MCTP2: variants seen among roughly 807,000 people sequenced by gnomAD.
The protein encoded by MCTP2 is multiple C2 and transmembrane domain-containing protein 2.
In MCTP2, 132 loss-of-function variants were observed where a neutral mutation model predicts 111.6. The ratio of observed to expected loss-of-function variants is 1.18; its 90% CI spans 1.03 to 1.37. The LOEUF (loss-of-function observed/expected upper bound fraction) is 1.37. MCTP2 is among the 40% of genes most tolerant of loss of function. MCTP2 has a pLI of 0.00. For synonymous variants in MCTP2, 395 were observed against 387.7 expected (o/e 1.02, Z -0.22); for missense variants, 1,183 against 1,067.9 (o/e 1.11, Z -1.50).
At chr15:94,457,327 AC>A (rs1294833886) in intron 19 of MCTP2, among the ~76,000 whole-genome samples, 1 of 152,214 alleles carries the variant, frequency 6.6e-6, no homozygotes, top group Non-Finnish European at 1.5e-5. Flanking sequence ...TTTCTAAGTA[AC>A]CTGCATAACT....
At chr15:94,418,175 T>C (rs551243196) in intron 17 of MCTP2, among the ~76,000 whole-genome samples, 1 of 152,256 alleles carries the variant, frequency 6.6e-6, no homozygotes, top group Non-Finnish European at 1.5e-5. Context: ...CTAATGTTCA[T>C]GTGAGCAAAG....
chr15:94,437,777 T>C (rs1596709449), intron 17 of MCTP2, among the ~76,000 whole-genome samples: 2 of 152,074 alleles, frequency 1.3e-5, no homozygotes, highest in Middle Eastern at 6.8e-3. Context: ...TAGGAAAATA[T>C]ATCAATGGAG....
At chr15:94,319,599 C>T (rs2076536046) in intron 4 of MCTP2, among the ~76,000 whole-genome samples, 1 of 152,188 alleles carries the variant, frequency 6.6e-6, no homozygotes, top group African/African-American at 2.4e-5. Context: ...TCTAGGCAGT[C>T]CCTGTCACAG....
intron 19 of MCTP2, among the ~76,000 whole-genome samples, chr15:94,457,421 AT>A (rs1271840260): frequency 6.6e-6 from 1 of 152,190 alleles, no homozygotes; most frequent in Non-Finnish European, 1.5e-5. Context: ...GCTGAATTCC[AT>A]TTCACATGAA....
intron 1 of MCTP2, chr15:94,278,220 A>G (rs527550676): frequency 2.4e-4 from 37 of 152,290 alleles, no homozygotes; most frequent in African/African-American, 8.2e-4. Context: ...AATTTGAAGG[A>G]CTACAAGGTG....
In MCTP2 at chr15:94,420,274, A is replaced by G. The variant is rs116328496; in HGVS notation, c.2085+18255A>G. Among the ~76,000 whole-genome samples the G allele has an allele frequency of 4.2e-3, 638 of 152,272 alleles. 1 individual carries two copies. The highest frequency in any genetic ancestry group is 0.013 in the African/African-American group (554 of 41,556). On this transcript the variant is annotated intron_variant, in intron 17 of 22. Transcript: ENST00000357742. ...TGTACCTAGCTGCTCAAGAGCTGTGATGGAGATATACAATGAGATTAATGT... is the reference window on the plus strand; with the variant it reads ...TGTACCTAGCTGCTCAAGAGCTGTGGTGGAGATATACAATGAGATTAATGT...
At chr15:94,392,073 C>T (rs1276520300) in intron 14 of MCTP2, among the ~76,000 whole-genome samples, 2 of 152,008 alleles carry the variant, frequency 1.3e-5, no homozygotes, top group East Asian at 1.9e-4. Context: ...ATTGAATTAA[C>T]AATAAGGTTA....
At chr15:94,303,154 T>C (rs1416376952) in intron 2 of MCTP2, among the ~76,000 whole-genome samples, 4 of 127,798 alleles carry the variant, frequency 3.1e-5, no homozygotes, top group African/African-American at 1.1e-4. Context: ...TATATAGTTC[T>C]GTCTAGAGGG....
intron 17 of MCTP2, among the ~76,000 whole-genome samples, chr15:94,430,761 A>C (rs2083141475): frequency 6.6e-6 from 1 of 151,474 alleles, no homozygotes; most frequent in African/African-American, 2.4e-5. Flanking sequence ...CAAAAATAAA[A>C]AATAAAAAAA....
chr15:94,476,588 G>T, intron 21 of MCTP2, 108 bp from the exon 22 acceptor site: 2 of 711,892 alleles, frequency 2.8e-6, no homozygotes, highest in Admixed American at 5.0e-5. Flanking sequence ...ATGCTAGATA[G>T]ATAGATGATT....
intron 17 of MCTP2, among the ~76,000 whole-genome samples, chr15:94,421,367 T>C (rs2082622780): frequency 6.6e-6 from 1 of 152,190 alleles, no homozygotes; most frequent in Admixed American, 6.5e-5. Context: ...TACAATTGTA[T>C]TAATTTTCTT....
intron 2 of MCTP2, 107 bp downstream of exon 2, chr15:94,298,837 CCT>C (rs149048088): frequency 2.3e-6 from 1 of 429,250 alleles, no homozygotes; most frequent in Non-Finnish European, 3.7e-6. Context: ...CCTCCCCCTC[CCT>C]CTCTCTTCCC....
chr15:94,360,332 T>G (rs1001070493), intron 10 of MCTP2, among the ~76,000 whole-genome samples: 1 of 152,194 alleles, frequency 6.6e-6, no homozygotes, highest in African/African-American at 2.4e-5. Flanking sequence ...GTCGGATGAC[T>G]TCTGTGACCT....
At chr15:94,432,320 A>G (rs996441825) in intron 17 of MCTP2, among the ~76,000 whole-genome samples, 2 of 152,206 alleles carry the variant, frequency 1.3e-5, no homozygotes, top group African/African-American at 4.8e-5. Context: ...TGGCAAATAT[A>G]GAGAACATAT....
chr15:94,276,243 C>A (rs368149017), intron 1 of MCTP2, among the ~76,000 whole-genome samples: 1 of 152,050 alleles, frequency 6.6e-6, no homozygotes, highest in Admixed American at 6.6e-5. Flanking sequence ...TATTCATAAA[C>A]AGGACAGAGA....
intron 10 of MCTP2, among the ~76,000 whole-genome samples, chr15:94,365,235 G>C (rs1188273945): frequency 1.3e-5 from 2 of 152,168 alleles, no homozygotes; most frequent in Non-Finnish European, 2.9e-5. Flanking sequence ...TATTTGGCTG[G>C]ATTCACTCGT....
Position 94,483,047 on chromosome 15 carries a change from G to C in MCTP2, c.*4013G>C, listed in dbSNP as rs2074802233. On this transcript the variant is annotated 3_prime_UTR_variant, in exon 23 of 23. Transcript: ENST00000357742. ...GGGCCTCTGAATGGAGGTAACCCTT[G>C]AAAAATTCCACTGTGGAGAAGAAAG... The C allele has an allele frequency of 6.6e-6, 1 of 152,166 alleles. No homozygotes were observed. The highest frequency in any genetic ancestry group is 2.1e-4 in the South Asian group (1 of 4,832). The allele number at this position is 152,166 out of a possible 1,614,324, so 9.4% of individuals were successfully genotyped here. A position where few individuals can be genotyped will look rare whatever the true frequency, so the allele number is the denominator to read the frequency against.
intron 1 of MCTP2, among the ~76,000 whole-genome samples, chr15:94,243,698 C>T (rs1458533269): frequency 2.4e-4 from 33 of 135,434 alleles, no homozygotes; most frequent in South Asian, 2.3e-3. Context: ...CATACATATG[C>T]GTATATACAC....
intron 4 of MCTP2, among the ~76,000 whole-genome samples, chr15:94,327,472 G>C (rs1199348743): frequency 2.0e-5 from 3 of 152,108 alleles, no homozygotes; most frequent in Non-Finnish European, 4.4e-5. Flanking sequence ...GAGTTTTATT[G>C]TATTGAAAAT....
Sources: gnomAD v4.1 joint callset for allele counts (sites outside exome capture counted in the v4.1 genomes callset) on GRCh38, gnomAD v4.1.1 for gene constraint, MANE v1.5 for transcripts, NCBI Gene and HGNC (gene_info 2026-07-23, HGNC 2026-07-21) for gene names.